RFX2: variants seen among roughly 807,000 people sequenced by gnomAD.
The protein encoded by RFX2 is regulatory factor X2.
In RFX2, 20 loss-of-function variants were observed where a neutral mutation model predicts 87.8. That is an observed-to-expected ratio of 0.23 (90% CI 0.16 to 0.33). The LOEUF (loss-of-function observed/expected upper bound fraction) is 0.33. Ranked by LOEUF, RFX2 falls within the 10% of genes least tolerant of loss-of-function variation. The pLI, the probability that RFX2 is intolerant of heterozygous loss-of-function variation, is 1.00. For missense variants in RFX2, 767 were observed against 1,012.3 expected, an observed-to-expected ratio of 0.76 and a Z score of 3.29; for synonymous variants, 397 against 431.3, an observed-to-expected ratio of 0.92 and a Z score of 0.98.
intron 1 of RFX2, among the ~76,000 whole-genome samples, chr19:6,066,077 C>T (rs534121762): frequency 6.6e-6 from 1 of 152,246 alleles, no homozygotes; most frequent in African/African-American, 2.4e-5. Context: ...AAGCAACAAA[C>T]CCTTGTCAAC....
At chr19:6,060,367 C>G (rs1331342178) in intron 1 of RFX2, among the ~76,000 whole-genome samples, 1 of 152,114 alleles carries the variant, frequency 6.6e-6, no homozygotes, top group Non-Finnish European at 1.5e-5. Flanking sequence ...GGCTGCTGGC[C>G]CCCTTCCTGA....
Position 6,040,381 on chromosome 19 carries a change from A to G in RFX2, c.261-140T>C, listed in dbSNP as rs768646684. The G allele has an allele frequency of 1.2e-6, 1 of 812,442 alleles. No homozygotes were observed. Among genetic ancestry groups the G allele is most frequent in the Non-Finnish European group, 1.8e-6 (1 of 548,858 alleles). 50.3% of individuals were successfully genotyped at this position (812,442 alleles called of 1,614,324 possible). A position where few individuals can be genotyped will look rare whatever the true frequency, so the allele number is the denominator to read the frequency against. On this transcript the variant is annotated intron_variant, in intron 4 of 17. Transcript: ENST00000303657. The surrounding 1 kb of genome is among the most constrained non-coding windows in gnomAD (Gnocchi z 6.1). ...ATATGGAGCAATTCGGACGTGGCATATGACACTCAAATGCAGCGCAAGTTC... is the reference window on the plus strand; with the variant it reads ...ATATGGAGCAATTCGGACGTGGCATGTGACACTCAAATGCAGCGCAAGTTC...
At chr19:6,018,941 A>C (rs1229471314) in intron 6 of RFX2, among the ~76,000 whole-genome samples, 1 of 152,172 alleles carries the variant, frequency 6.6e-6, no homozygotes, top group African/African-American at 2.4e-5. Context: ...GCCGCCCCTG[A>C]ATCACTCAAG....
chr19:6,102,388 T>C (rs541431807), intron 1 of RFX2, among the ~76,000 whole-genome samples: 2 of 152,324 alleles, frequency 1.3e-5, no homozygotes, highest in South Asian at 4.1e-4. Flanking sequence ...GAATGAAGGA[T>C]GAATGAATGA....
intron 1 of RFX2, among the ~76,000 whole-genome samples, chr19:6,080,472 C>A (rs2087764504): frequency 6.6e-6 from 1 of 152,128 alleles, no homozygotes; most frequent in East Asian, 1.9e-4. Context: ...CACAAGGTTC[C>A]AGATACACAA....
rs754643697 is a variant in RFX2, at chr19:6,012,957, A to G, written c.899+29T>C. ...CCCCTCCATGCTCCAGGGGAGAGCC[A>G]GCTCCTCCCAGCTCGGCCCGGCACC... is the stretch of plus-strand genomic sequence containing the variant. On this transcript the variant is annotated intron_variant, in intron 8 of 17. Transcript: ENST00000303657. The surrounding 1 kb of genome is among the most constrained non-coding windows in gnomAD (Gnocchi z 4.6). 4 of 1,488,490 alleles carry G rather than the reference A, an allele frequency of 2.7e-6. No individual in the cohort carries two copies. In the Admixed American group the frequency reaches 6.9e-5, roughly 26 times the overall value. 92.2% of individuals were successfully genotyped at this position (1,488,490 alleles called of 1,614,324 possible). A position where few individuals can be genotyped will look rare whatever the true frequency, so the allele number is the denominator to read the frequency against.
intron 1 of RFX2, among the ~76,000 whole-genome samples, chr19:6,060,145 C>T (rs868716605): frequency 6.6e-6 from 1 of 152,198 alleles, no homozygotes; most frequent in African/African-American, 2.4e-5. Flanking sequence ...CATGCTGTCT[C>T]TTCCACTTCC....
chr19:6,105,634 G>C (rs1444155380), intron 1 of RFX2, among the ~76,000 whole-genome samples: 2 of 152,108 alleles, frequency 1.3e-5, no homozygotes, highest in Non-Finnish European at 2.9e-5. Context: ...AGAGACTGCC[G>C]AGCACCAGTG....
intron 1 of RFX2, chr19:6,072,979 A>G (rs1052461726): frequency 1.6e-5 from 10 of 627,766 alleles, no homozygotes; most frequent in Non-Finnish European, 2.6e-5. Flanking sequence ...CAAGGACCAG[A>G]TATTTTTTTT....
chr19:6,030,266 G>C (rs76226570), intron 5 of RFX2, among the ~76,000 whole-genome samples: 1 of 152,122 alleles, frequency 6.6e-6, no homozygotes. Flanking sequence ...GAGAAGTGGC[G>C]TCACAAACAA....
At chr19:6,000,574 G>T (rs1363539023) in intron 15 of RFX2, among the ~76,000 whole-genome samples, 1 of 152,232 alleles carries the variant, frequency 6.6e-6, no homozygotes, top group Middle Eastern at 3.2e-3. Flanking sequence ...CTGTTCTCTT[G>T]AGAGTGAATA....
At chr19:6,041,512 C>T (rs1366113062) in intron 4 of RFX2, among the ~76,000 whole-genome samples, 1 of 152,036 alleles carries the variant, frequency 6.6e-6, no homozygotes, top group Non-Finnish European at 1.5e-5. Flanking sequence ...TTATACAAAG[C>T]TGGAGTTTAA....
Position 6,004,184 on chromosome 19 carries a change from C to T in RFX2, c.1500+17G>A, listed in dbSNP as rs373809949. 6 of 1,599,946 alleles carry T rather than the reference C, an allele frequency of 3.8e-6. No homozygotes were observed. The African/African-American group carries it at 4.0e-5, about 11-fold the overall frequency. ...CCCAGCCATCGTTGGGGAGCCCAGG[C>T]CCCACCCCGGACGCACCTTGGTCTG... On this transcript the variant is annotated intron_variant, in intron 13 of 17. Coordinates refer to ENST00000303657, the MANE Select transcript of RFX2 (RefSeq NM_000635.4). The surrounding 1 kb of genome is among the most constrained non-coding windows in gnomAD (Gnocchi z 4.8).
rs1184741040 is a variant in RFX2 at position 6,063,808 on chromosome 19, C to G, written c.-8-16304G>C. On this transcript the variant is annotated intron_variant, in intron 1 of 17. Transcript: ENST00000303657. This position sits in a 1 kb window ranked among gnomAD's most constrained non-coding sequence, Gnocchi z 4.0. The stretch of plus-strand genomic sequence containing the variant: ...GCAGCATCCCTGGCCTCCACCCACT[C>G]CATGCCAGGAAACCCCCCGACCCCT... 6.6e-6 allele frequency among the ~76,000 whole-genome samples: 1 copy of G among 152,202 alleles called. No individual in the cohort carries two copies. Among genetic ancestry groups the G allele is most frequent in the African/African-American group, 2.4e-5 (1 of 41,450 alleles).
At chr19:6,088,829 G>A (rs1318645635) in intron 1 of RFX2, among the ~76,000 whole-genome samples, 1 of 152,130 alleles carries the variant, frequency 6.6e-6, no homozygotes, top group African/African-American at 2.4e-5. Flanking sequence ...AATATTTTAG[G>A]TTTTGCAGGT....
At chr19:6,096,949 C>T (rs1396299358) in intron 1 of RFX2, among the ~76,000 whole-genome samples, 1 of 152,156 alleles carries the variant, frequency 6.6e-6, no homozygotes, top group Non-Finnish European at 1.5e-5. Flanking sequence ...CAGCACCATA[C>T]CCTTCATCTA....
chr19:6,070,114 TGGG>T (rs2087579503), intron 1 of RFX2, among the ~76,000 whole-genome samples: 1 of 100,030 alleles, frequency 1.0e-5, no homozygotes, highest in Non-Finnish European at 2.0e-5. Context: ...TGGGATGGGA[TGGG>T]ATGGGATGGG....
In RFX2 at chr19:6,045,251, C is replaced by T. The variant is rs1449170683; in HGVS notation, c.91-969G>A. The stretch of plus-strand genomic sequence containing the variant: ...ATTCTGATTCCAGGTGAGCTGGGCG[C>T]CGTGTGCTTGGAGAATTCACAGGGT... On this transcript the variant is annotated intron_variant, in intron 2 of 17. Coordinates refer to ENST00000303657, the MANE Select transcript of RFX2 (RefSeq NM_000635.4). This position sits in a 1 kb window ranked among gnomAD's most constrained non-coding sequence, Gnocchi z 5.2. Among the ~76,000 whole-genome samples, 1 of 152,178 alleles carries T rather than the reference C, an allele frequency of 6.6e-6. No homozygotes were observed. The highest frequency in any genetic ancestry group is 2.4e-5 in the African/African-American group (1 of 41,436).
chr19:6,104,904 G>A (rs1265741590), intron 1 of RFX2, among the ~76,000 whole-genome samples: 1 of 152,248 alleles, frequency 6.6e-6, no homozygotes, highest in Non-Finnish European at 1.5e-5. Context: ...CAGATCATGA[G>A]GTCAGGAGAT....
Sources: allele counts gnomAD v4.1 joint callset (sites outside exome capture counted in the v4.1 genomes callset), GRCh38; gene constraint gnomAD v4.1.1; non-coding constraint Gnocchi (gnomAD v3.1); transcripts MANE v1.5; gene names NCBI Gene and HGNC (gene_info 2026-07-23, HGNC 2026-07-21).